Variants in MTRFR observed in about 807,000 individuals in gnomAD.
The protein encoded by MTRFR is probable peptide chain release factor C12orf65, mitochondrial.
A neutral mutation model predicts 11.9 loss-of-function variants in MTRFR; 10 were observed. The observed-to-expected ratio is 0.84, with a 90% confidence interval of 0.52 to 1.42. The LOEUF (loss-of-function observed/expected upper bound fraction) is 1.42, where lower values mean the gene tolerates loss of function less well. Among genes scored for constraint, MTRFR ranks in the 40% most tolerant of loss-of-function variants. MTRFR has a pLI of 0.00. For missense variants in MTRFR, 196 were observed against 197.9 expected (o/e 0.99, Z 0.06); for synonymous variants, 77 against 79.1 (o/e 0.97, Z 0.14).
At position 123,239,977 on chromosome 12, in the gene MTRFR, A is replaced by AT. The variant is rs146124554; in HGVS notation, c.-29+6447dup. Among the ~76,000 whole-genome samples, 1,078 of 152,276 alleles carry AT rather than the reference A, an allele frequency of 7.1e-3. 26 individuals carry two copies. The highest frequency in any genetic ancestry group is 0.055 in the East Asian group (283 of 5,180). ...GCAATGAACAGTCCTATGTGCCAGA[A>AT]TACTAGCAGCATCCTTGTTTAAAGC... is the stretch of plus-strand genomic sequence containing the variant. On this transcript the variant is annotated intron_variant, in intron 1 of 2. Coordinates refer to ENST00000253233, the MANE Select transcript of MTRFR (RefSeq NM_152269.5).
At chr12:123,256,776 CTGTGGTTT>C in intron 2 of MTRFR, 29 bp from the exon 3 acceptor site, 1 of 1,518,630 alleles carries the variant, frequency 6.6e-7, no homozygotes, top group Non-Finnish European at 9.1e-7. Context: ...TTTTAACATC[CTGTGGTTT>C]TCACATTATA....
chr12:123,254,076 C>A, intron 2 of MTRFR, 120 bp downstream of exon 2: 1 of 1,236,412 alleles, frequency 8.1e-7, no homozygotes, highest in South Asian at 1.4e-5. Context: ...GCTTGGGCCA[C>A]CCTCTACCAG....
rs368398729 is a variant in MTRFR, at chr12:123,256,925, G to A, written c.395G>A (p.Arg132Gln). Residue 132 changes from arginine (R) to glutamine (Q), a missense_variant, in exon 3 of 3, where the codon CGA becomes CAA. Transcript: ENST00000253233. Reference protein sequence around the residue: ...GENSPVHKEKREAAKKKQERK... With the variant: ...GENSPVHKEKQEAAKKKQERK... Reference sequence around the variant, plus strand: ...AACAGTCCTGTTCACAAAGAAAAACGAGAAGCGGCGAAGAAAAAACAAGAA... The same window carrying A: ...AACAGTCCTGTTCACAAAGAAAAACAAGAAGCGGCGAAGAAAAAACAAGAA... 5.0e-6 allele frequency: 8 copies of A among 1,613,506 alleles called. No individual in the cohort carries two copies. Among genetic ancestry groups the A allele is most frequent in the South Asian group, 2.2e-5 (2 of 90,906 alleles).
intron 1 of MTRFR, among the ~76,000 whole-genome samples, chr12:123,235,420 G>C (rs565071879): frequency 6.6e-6 from 1 of 152,016 alleles, no homozygotes; most frequent in Non-Finnish European, 1.5e-5. Context: ...GTGTGTGTGT[G>C]TGTGACAGAG....
Position 123,257,732 on chromosome 12 carries a change from ACAGT to A in MTRFR, c.*706_*709del, listed in dbSNP as rs886049046. On this transcript the variant is annotated 3_prime_UTR_variant, in exon 3 of 3. Transcript: ENST00000253233. ...AAATAAGATAAAACCATAAAGAAAC[ACAGT>A]CAGTACTATACAAGAATAATGGCTA... 7 of 150,938 alleles carry A rather than the reference ACAGT, an allele frequency of 4.6e-5. No individual in the cohort carries two copies. The highest frequency in any genetic ancestry group is 1.0e-4 in the Non-Finnish European group (7 of 67,982). The allele number at this position is 150,938 out of a possible 1,614,324, so 9.3% of individuals were successfully genotyped here. A position where few individuals can be genotyped will look rare whatever the true frequency, so the allele number is the denominator to read the frequency against.
At chr12:123,255,799 G>C (rs2048176756) in intron 2 of MTRFR, among the ~76,000 whole-genome samples, 1 of 152,068 alleles carries the variant, frequency 6.6e-6, no homozygotes, top group African/African-American at 2.4e-5. Flanking sequence ...TAATTTTTTT[G>C]TATTTTTACT....
chr12:123,234,941 C>T (rs550584361), intron 1 of MTRFR, among the ~76,000 whole-genome samples: 2 of 152,258 alleles, frequency 1.3e-5, no homozygotes, highest in Non-Finnish European at 2.9e-5. Context: ...AATGTCATGG[C>T]TTATCAAGTA....
chr12:123,253,884 AG>A lies in MTRFR; in HGVS notation c.215del (p.Gly72AlafsTer13), dbSNP rs1565997992. 1 of 1,613,526 alleles carries A rather than the reference AG, an allele frequency of 6.2e-7. No homozygotes were observed. Among genetic ancestry groups the A allele is most frequent in the Non-Finnish European group, 8.5e-7 (1 of 1,179,356 alleles). ...EEQFVKGHGP[G>X]GQATNKTSNC... ...AGCAGTTTGTGAAAGGACACGGTCC[AG>A]GGGGCCAGGCAACCAACAAAACCAG... On this transcript the variant is annotated frameshift_variant, in exon 2 of 3. Coordinates refer to ENST00000253233, the MANE Select transcript of MTRFR (RefSeq NM_152269.5). LOFTEE classifies it high-confidence loss of function.
chr12:123,238,920 T>G (rs2047890489), intron 1 of MTRFR, among the ~76,000 whole-genome samples: 1 of 152,146 alleles, frequency 6.6e-6, no homozygotes, highest in African/African-American at 2.4e-5. Flanking sequence ...TCTGTAAGTA[T>G]GACCATAACC....
chr12:123,256,774 T>A, intron 2 of MTRFR, 39 bp from the exon 3 acceptor site: 1 of 1,507,604 alleles, frequency 6.6e-7, no homozygotes, highest in Non-Finnish European at 9.2e-7. Context: ...ATTTTTAACA[T>A]CCTGTGGTTT....
intron 1 of MTRFR, among the ~76,000 whole-genome samples, chr12:123,239,638 A>G (rs2047900210): frequency 1.3e-5 from 2 of 152,010 alleles, no homozygotes; most frequent in African/African-American, 2.4e-5. Context: ...TCCTGACCTC[A>G]TGATCTGCCC....
rs554131402 is a variant in MTRFR, at chr12:123,236,521, G to A, written c.-29+2990G>A. Among the ~76,000 whole-genome samples the A allele has an allele frequency of 6.1e-4, 92 of 151,862 alleles. 1 individual carries two copies. Among genetic ancestry groups the A allele is most frequent in the African/African-American group, 2.2e-3 (90 of 41,428 alleles). On this transcript the variant is annotated intron_variant, in intron 1 of 2. Transcript: ENST00000253233. Reference sequence around the variant, plus strand: ...GGCAAAGAAGCTTGCTTGAGCCCAGGAGGTCAAGGCTGCACTGAGCCATTT... The same window carrying A: ...GGCAAAGAAGCTTGCTTGAGCCCAGAAGGTCAAGGCTGCACTGAGCCATTT...
chr12:123,252,856 C>T (rs1399098336), intron 1 of MTRFR, among the ~76,000 whole-genome samples: 5 of 150,988 alleles, frequency 3.3e-5, no homozygotes, highest in African/African-American at 1.2e-4. Flanking sequence ...ACCTGGGAGG[C>T]GGAGGTTGCA....
chr12:123,254,037 GGGATCAGCC>G (rs1189271870), intron 2 of MTRFR, 81 bp downstream of exon 2: 2 of 1,540,374 alleles, frequency 1.3e-6, no homozygotes. Flanking sequence ...AAGTGTGAAT[GGGATCAGCC>G]GAAGTGCATT....
At chr12:123,252,451 G>C (rs2048125102) in intron 1 of MTRFR, 1 of 148,782 alleles carries the variant, frequency 6.7e-6, no homozygotes, top group Non-Finnish European at 1.5e-5. Flanking sequence ...AAAAAAATTA[G>C]TTGACTTGGT....
chr12:123,241,747 G>A (rs1402822081), intron 1 of MTRFR, among the ~76,000 whole-genome samples: 1 of 152,224 alleles, frequency 6.6e-6, no homozygotes, highest in East Asian at 1.9e-4. Flanking sequence ...GGGACTGTAG[G>A]CTATTATCTT....
At chr12:123,239,544 A>G (rs2047898425) in intron 1 of MTRFR, among the ~76,000 whole-genome samples, 2 of 152,098 alleles carry the variant, frequency 1.3e-5, no homozygotes, top group Admixed American at 6.5e-5. Flanking sequence ...CTGGGACTAC[A>G]GCTACGTGCA....
chr12:123,246,709 ATTTTTTTTTTTTTTTTTTTTTTTTT>A (rs1157677577), intron 1 of MTRFR, among the ~76,000 whole-genome samples: 12 of 53,456 alleles, frequency 2.2e-4, no homozygotes, highest in Middle Eastern at 0.018. Context: ...TATAATTTCA[ATTTTTTTTTTTTTTTTTTTTTTTTT>A]TTTTTTTTTT....
chr12:123,242,955 A>T (rs2047965450), intron 1 of MTRFR, among the ~76,000 whole-genome samples: 1 of 152,180 alleles, frequency 6.6e-6, no homozygotes, highest in Non-Finnish European at 1.5e-5. Flanking sequence ...TACACAAATG[A>T]ATTTTGTTTT....
Sources: allele counts gnomAD v4.1 joint callset (sites outside exome capture counted in the v4.1 genomes callset), GRCh38; gene constraint gnomAD v4.1.1; transcripts MANE v1.5; gene names NCBI Gene and HGNC (gene_info 2026-07-23, HGNC 2026-07-21).